Variants in AFG2A observed in about 807,000 individuals in gnomAD.
AFG2A encodes ATPase family gene 2 protein homolog A.
the AFG2A span, chr4:122,936,160 C>T: frequency 6.9e-6 from 11 of 1,594,816 alleles, no homozygotes; most frequent in East Asian, 2.3e-5. Flanking sequence ...CTCTACGGTA[C>T]TCTTTATTTT....
At chr4:123,227,805 G>A in the AFG2A span, among the ~76,000 whole-genome samples, 2 of 152,176 alleles carry the variant, frequency 1.3e-5, no homozygotes, top group Non-Finnish European at 2.9e-5. Context: ...AATGTTGACA[G>A]TGGGGTGTTA....
chr4:123,256,231 G>A, the AFG2A span: 1 of 1,590,568 alleles, frequency 6.3e-7, no homozygotes, highest in Non-Finnish European at 8.6e-7. Flanking sequence ...CGGTGGCTCA[G>A]GGTCATTAAG....
the AFG2A span, among the ~76,000 whole-genome samples, chr4:123,265,852 C>T: frequency 6.6e-6 from 1 of 152,158 alleles, no homozygotes; most frequent in Non-Finnish European, 1.5e-5. Context: ...AGCATTTTAA[C>T]ATTCCACCTT....
chr4:123,053,612 G>C, the AFG2A span, among the ~76,000 whole-genome samples: 13 of 152,222 alleles, frequency 8.5e-5, no homozygotes, highest in African/African-American at 2.9e-4. Context: ...ATCTGCTGTG[G>C]GATGGAGGTT....
chr4:123,147,193 G>A, the AFG2A span, among the ~76,000 whole-genome samples: 1 of 152,026 alleles, frequency 6.6e-6, no homozygotes, highest in African/African-American at 2.4e-5. Context: ...TCATGTCTTG[G>A]TTGTGCATGG....
chr4:122,955,271 TC>T, the AFG2A span, among the ~76,000 whole-genome samples: 1 of 152,068 alleles, frequency 6.6e-6, no homozygotes, highest in Non-Finnish European at 1.5e-5. Flanking sequence ...GTGGCAACCC[TC>T]CTTTCTTAAG....
At chr4:122,990,425 C>A in the AFG2A span, among the ~76,000 whole-genome samples, 1 of 152,240 alleles carries the variant, frequency 6.6e-6, no homozygotes, top group East Asian at 1.9e-4. Flanking sequence ...GTATCCTTTA[C>A]CTCACTGTGT....
At chr4:123,271,464 A>C in the AFG2A span, among the ~76,000 whole-genome samples, 1 of 152,200 alleles carries the variant, frequency 6.6e-6, no homozygotes, top group East Asian at 1.9e-4. Flanking sequence ...AATTTCTGCC[A>C]GCAGGGTGAT....
At chr4:123,192,240 TG>T in the AFG2A span, among the ~76,000 whole-genome samples, 1 of 152,188 alleles carries the variant, frequency 6.6e-6, no homozygotes, top group Non-Finnish European at 1.5e-5. Flanking sequence ...TTGGCCAGGC[TG>T]GTGTCTAACT....
the AFG2A span, among the ~76,000 whole-genome samples, chr4:123,226,622 T>C: frequency 1.3e-5 from 2 of 152,202 alleles, no homozygotes; most frequent in African/African-American, 2.4e-5. Flanking sequence ...CAGTATTTTA[T>C]TGAAGATTTT....
the AFG2A span, among the ~76,000 whole-genome samples, chr4:123,133,415 C>T: frequency 7.9e-5 from 12 of 151,950 alleles, no homozygotes; most frequent in Non-Finnish European, 1.6e-4. Flanking sequence ...CAGTTTAGAA[C>T]GTTGTGGTTA....
chr4:122,927,003 T>A, the AFG2A span, among the ~76,000 whole-genome samples: 1 of 149,352 alleles, frequency 6.7e-6, no homozygotes, highest in Non-Finnish European at 1.5e-5. Flanking sequence ...TAACTAAATA[T>A]GGAGCTTGGT....
the AFG2A span, among the ~76,000 whole-genome samples, chr4:122,997,566 A>G: frequency 1.3e-5 from 2 of 152,074 alleles, no homozygotes. Flanking sequence ...GGTTGTTTCT[A>G]CTTTTTGGCT....
chr4:123,015,392 G>A, the AFG2A span, among the ~76,000 whole-genome samples: 4 of 151,838 alleles, frequency 2.6e-5, no homozygotes, highest in South Asian at 2.1e-4. Context: ...GACTCTTAAC[G>A]AGCATGCTGC....
the AFG2A span, among the ~76,000 whole-genome samples, chr4:123,091,629 A>C: frequency 2.0e-5 from 3 of 152,338 alleles, no homozygotes; most frequent in East Asian, 5.8e-4. Context: ...AATAAAAATA[A>C]TGGATTCTTC....
At chr4:123,007,588 GTGTGTGTGTGTGTGTGTGTGTA>G in the AFG2A span, among the ~76,000 whole-genome samples, 44 of 8,618 alleles carry the variant, frequency 5.1e-3, 1 homozygote, top group South Asian at 0.035. Flanking sequence ...GTGTGTGTGT[GTGTGTGTGTGTGTGTGTGTGTA>G]TATATATATA....
At chr4:123,235,932 T>G in the AFG2A span, among the ~76,000 whole-genome samples, 1 of 152,194 alleles carries the variant, frequency 6.6e-6, no homozygotes, top group Non-Finnish European at 1.5e-5. Context: ...ATCAATAAAT[T>G]TCTTTCTTAA....
At chr4:123,015,620 A>G in the AFG2A span, among the ~76,000 whole-genome samples, 1 of 150,974 alleles carries the variant, frequency 6.6e-6, no homozygotes, top group African/African-American at 2.4e-5. Context: ...CGATTTCTCA[A>G]TCCTTTCCCC....
chr4:123,011,325 C>A, the AFG2A span, among the ~76,000 whole-genome samples: 2 of 152,146 alleles, frequency 1.3e-5, no homozygotes, highest in African/African-American at 4.8e-5. Flanking sequence ...TCCATGTATA[C>A]AAAAACTTTA....
Sources: gnomAD v4.1 joint callset for allele counts (sites outside exome capture counted in the v4.1 genomes callset) on GRCh38, gnomAD v4.1.1 for gene constraint, MANE v1.5 for transcripts, NCBI Gene and HGNC (gene_info 2026-07-23, HGNC 2026-07-21) for gene names.